Variants in SCARA5 observed in about 807,000 individuals in gnomAD.
The protein encoded by SCARA5 is scavenger receptor class A member 5.
In SCARA5, 45 loss-of-function variants were observed where a neutral mutation model predicts 46.3. The ratio of observed to expected loss-of-function variants is 0.97; its 90% CI spans 0.76 to 1.24. SCARA5 has a LOEUF of 1.24. Among genes scored for constraint, SCARA5 ranks in the 50% most tolerant of loss-of-function variants. The pLI is 0.00. For synonymous variants in SCARA5, 333 were observed against 306.5 expected (o/e 1.09, Z -0.90); for missense variants, 680 against 689.0 (o/e 0.99, Z 0.15).
At position 27,922,055 on chromosome 8, in the gene SCARA5, G is replaced by T; in HGVS notation, c.432C>A (p.Gly144=). 1 of 1,576,452 alleles carries T rather than the reference G, an allele frequency of 6.3e-7. No individual in the cohort carries two copies. ...NQSDSLLALA[G]AVQRLEGALW... is the part of the protein sequence containing the mutation. ...GCGCGCCCTCCAGCCGCTGCACTGC[G>T]CCCGCCAGCGCCAGCAACGAGTCTG... The change falls in exon 4 of 9, where the codon GGC becomes GGA. Residue 144 remains glycine (G), a synonymous_variant. Transcript: ENST00000354914.
chr8:27,934,356 G>A (rs762395004), intron 3 of SCARA5, among the ~76,000 whole-genome samples: 18 of 152,182 alleles, frequency 1.2e-4, no homozygotes, highest in African/African-American at 4.1e-4. Context: ...CTGGGATTTC[G>A]ACCTGGGAGG....
At chr8:27,930,478 C>T (rs933995752) in intron 3 of SCARA5, among the ~76,000 whole-genome samples, 4 of 151,958 alleles carry the variant, frequency 2.6e-5, no homozygotes, top group Non-Finnish European at 4.4e-5. Context: ...TCTCGGCTCA[C>T]AGCAACCTCC....
At chr8:27,872,227 T>G (rs1266935827) in intron 8 of SCARA5, among the ~76,000 whole-genome samples, 157 bp from the exon 9 acceptor site, 1 of 152,200 alleles carries the variant, frequency 6.6e-6, no homozygotes, top group Non-Finnish European at 1.5e-5. Context: ...GACCTCATAC[T>G]TATTTTCTGG....
chr8:27,975,438 G>A (rs772175295), intron 2 of SCARA5, among the ~76,000 whole-genome samples: 1 of 152,156 alleles, frequency 6.6e-6, no homozygotes, highest in African/African-American at 2.4e-5. Flanking sequence ...TGGGAACCCC[G>A]ATTTATAGCC....
Position 27,921,747 on chromosome 8 carries a change from T to C in SCARA5, c.740A>G (p.Asp247Gly), listed in dbSNP as rs1448246123. Residue 247 changes from aspartate (D) to glycine (G), a missense_variant, in exon 4 of 9, where the codon GAC becomes GGC. Around this residue, in one of 3 missense-constraint regions of SCARA5, gnomAD observed 438 missense variants for 384.5 expected, o/e 1.14. Coordinates refer to ENST00000354914, the MANE Select transcript of SCARA5 (RefSeq NM_173833.6). ...GGCGTTGCTCACCAGCACCCGCAGGTCCTGCAGCCGCGTGCGGTGGAGGGC... is the reference window on the plus strand; with the variant it reads ...GGCGTTGCTCACCAGCACCCGCAGGCCCTGCAGCCGCGTGCGGTGGAGGGC... ...DVALHRTRLQ[D>G]LRVLVSNASE... The C allele has an allele frequency of 1.3e-6, 2 of 1,585,752 alleles. 1 individual carries two copies. Among genetic ancestry groups the C allele is most frequent in the South Asian group, 2.3e-5 (2 of 87,188 alleles).
At chr8:27,908,435 T>A (rs557459129) in intron 5 of SCARA5, among the ~76,000 whole-genome samples, 1 of 152,336 alleles carries the variant, frequency 6.6e-6, no homozygotes, top group South Asian at 2.1e-4. Context: ...CGTGTAGTTA[T>A]CTCTGCAAAG....
At chr8:27,985,532 C>T (rs1045463130) in intron 2 of SCARA5, among the ~76,000 whole-genome samples, 1 of 152,184 alleles carries the variant, frequency 6.6e-6, no homozygotes, top group Admixed American at 6.5e-5. Flanking sequence ...GGCCACACTC[C>T]TAATTCAATG....
At chr8:27,889,281 C>T (rs570869507) in intron 7 of SCARA5, among the ~76,000 whole-genome samples, 6 of 152,224 alleles carry the variant, frequency 3.9e-5, no homozygotes, top group South Asian at 2.1e-4. Context: ...TTGTCGGCAA[C>T]AGATGTCCCA....
intron 2 of SCARA5, among the ~76,000 whole-genome samples, chr8:27,978,402 C>T (rs1808560868): frequency 6.6e-6 from 1 of 152,138 alleles, no homozygotes; most frequent in Admixed American, 6.5e-5. Flanking sequence ...GCTCACCTTT[C>T]ATTTCTAGTG....
chr8:27,902,925 G>C (rs192211163), intron 7 of SCARA5, among the ~76,000 whole-genome samples: 17 of 152,310 alleles, frequency 1.1e-4, no homozygotes, highest in African/African-American at 3.4e-4. Flanking sequence ...TTCAGGTGAG[G>C]TGAGTGTGGG....
chr8:27,975,620 G>C (rs1396998738), intron 2 of SCARA5, among the ~76,000 whole-genome samples: 1 of 152,258 alleles, frequency 6.6e-6, no homozygotes, highest in South Asian at 2.1e-4. Context: ...TGTTGATGGA[G>C]AGAAATCCTC....
rs760209676 is a variant in SCARA5, at chr8:27,921,947, C to T, written c.540G>A (p.Thr180=). The change falls in exon 4 of 9, where the codon ACG becomes ACA. Residue 180 remains threonine (T), a synonymous_variant. Coordinates refer to ENST00000354914, the MANE Select transcript of SCARA5 (RefSeq NM_173833.6). ...LRDRTGQQSD[T]AQLELYQLQV... ...GCAGCTGGTAGAGCTCCAGCTGCGC[C>T]GTGTCGCTCTGCTGGCCCGTGCGGT... 9 of 1,542,418 alleles carry T rather than the reference C, an allele frequency of 5.8e-6. No homozygotes were observed. The highest frequency in any genetic ancestry group is 4.8e-5 in the East Asian group (2 of 41,562).
chr8:27,902,110 T>C (rs1807164734), intron 7 of SCARA5, among the ~76,000 whole-genome samples: 1 of 151,526 alleles, frequency 6.6e-6, no homozygotes, highest in Non-Finnish European at 1.5e-5. Flanking sequence ...GGGGTGGGGG[T>C]CTTGTCAGAG....
intron 7 of SCARA5, among the ~76,000 whole-genome samples, chr8:27,887,413 A>G (rs1806914307): frequency 1.3e-5 from 2 of 152,120 alleles, no homozygotes; most frequent in South Asian, 4.1e-4. Context: ...CCATGCCTTC[A>G]TGGTTTGCAA....
intron 7 of SCARA5, among the ~76,000 whole-genome samples, chr8:27,892,939 C>A (rs1254692264): frequency 6.6e-6 from 1 of 152,120 alleles, no homozygotes; most frequent in Non-Finnish European, 1.5e-5. Context: ...ATCATGGTGG[C>A]GGCTGGGAGC....
chr8:27,872,871 G>A (rs1474409447), intron 8 of SCARA5, among the ~76,000 whole-genome samples: 1 of 152,178 alleles, frequency 6.6e-6, no homozygotes, highest in Non-Finnish European at 1.5e-5. Context: ...GTTTCACCAG[G>A]GGGTTCTTGT....
intron 3 of SCARA5, among the ~76,000 whole-genome samples, chr8:27,936,072 G>A (rs566711618): frequency 2.0e-5 from 3 of 152,248 alleles, no homozygotes; most frequent in Non-Finnish European, 4.4e-5. Context: ...CCAGAATTAG[G>A]AGGAGCCCAG....
At chr8:27,907,627 T>C (rs1475695612) in intron 5 of SCARA5, among the ~76,000 whole-genome samples, 1 of 138,902 alleles carries the variant, frequency 7.2e-6, no homozygotes. Context: ...CAGGCTGGAG[T>C]GGCACGATCT....
At chr8:27,991,297 G>C (rs1448687956) in intron 1 of SCARA5, among the ~76,000 whole-genome samples, 1 of 152,194 alleles carries the variant, frequency 6.6e-6, no homozygotes, top group Non-Finnish European at 1.5e-5. Context: ...ACTCAGGGGA[G>C]CTGGTGGCAG....
Sources: gnomAD v4.1 joint callset for allele counts (sites outside exome capture counted in the v4.1 genomes callset) on GRCh38, gnomAD v4.1.1 for gene constraint, gnomAD v4.1.1 regional missense constraint, MANE v1.5 for transcripts, NCBI Gene and HGNC (gene_info 2026-07-23, HGNC 2026-07-21) for gene names.